GPM6A: variants seen among roughly 807,000 people sequenced by gnomAD.
GPM6A encodes glycoprotein M6A.
Under a neutral mutation model 32.1 loss-of-function variants are expected in GPM6A, and 7 were observed. The ratio of observed to expected loss-of-function variants is 0.22; its 90% CI spans 0.12 to 0.41. The LOEUF is 0.41. GPM6A is among the 10% of genes least tolerant of loss of function. The probability of loss-of-function intolerance (pLI) is 1.00; values close to 1 mark genes in which losing one functional copy is unlikely to be tolerated. For synonymous variants in GPM6A, 130 were observed against 123.4 expected (o/e 1.05, Z -0.35); for missense variants, 235 against 347.2 (o/e 0.68, Z 2.57).
At chr4:175,738,477 C>A (rs892080178) in intron 1 of GPM6A, among the ~76,000 whole-genome samples, 1 of 151,886 alleles carries the variant, frequency 6.6e-6, no homozygotes, top group African/African-American at 2.4e-5. Flanking sequence ...AAAACCATCC[C>A]AAGCAAGCTA....
At chr4:175,795,120 AG>A (rs1264988472) in intron 1 of GPM6A, among the ~76,000 whole-genome samples, 2 of 152,230 alleles carry the variant, frequency 1.3e-5, no homozygotes, top group Non-Finnish European at 2.9e-5. Context: ...TTAAATATAG[AG>A]GAAAGTGTGA....
At chr4:175,828,548 C>G (rs1482097438) in intron 1 of GPM6A, among the ~76,000 whole-genome samples, 2 of 152,120 alleles carry the variant, frequency 1.3e-5, no homozygotes, top group Non-Finnish European at 2.9e-5. Flanking sequence ...TAAGAGTATT[C>G]ATATTACAAA....
intron 2 of GPM6A, among the ~76,000 whole-genome samples, chr4:175,679,952 G>T (rs2111003447): frequency 6.6e-6 from 1 of 152,218 alleles, no homozygotes; most frequent in Non-Finnish European, 1.5e-5. Context: ...GCATCTCTTT[G>T]AGAAACTCTC....
chr4:175,902,769 C>T (rs1738008121), intron 1 of GPM6A, among the ~76,000 whole-genome samples: 1 of 151,996 alleles, frequency 6.6e-6, no homozygotes. Flanking sequence ...AGAGAGAGCT[C>T]TTCTCTTTCT....
intron 1 of GPM6A, among the ~76,000 whole-genome samples, chr4:175,883,360 T>C (rs367656273): frequency 6.6e-6 from 1 of 152,150 alleles, no homozygotes; most frequent in African/African-American, 2.4e-5. Flanking sequence ...ATTTTAATAA[T>C]ATACTTTAAC....
chr4:175,991,654 T>C (rs554794858), intron 1 of GPM6A, among the ~76,000 whole-genome samples: 1 of 152,256 alleles, frequency 6.6e-6, no homozygotes, highest in Admixed American at 6.5e-5. Context: ...CACAATTCCA[T>C]TTCAGCACTT....
At chr4:175,697,112 A>T (rs1744623011) in intron 2 of GPM6A, among the ~76,000 whole-genome samples, 1 of 152,182 alleles carries the variant, frequency 6.6e-6, no homozygotes, top group African/African-American at 2.4e-5. Context: ...ACCCAAATAC[A>T]GTCTTTATCT....
At chr4:175,824,317 C>A (rs1255257549) in intron 1 of GPM6A, among the ~76,000 whole-genome samples, 43 of 152,172 alleles carry the variant, frequency 2.8e-4, no homozygotes, top group Admixed American at 2.8e-3. Flanking sequence ...GTGCGGCAGA[C>A]ACACACCCCA....
At chr4:175,976,277 C>G in intron 1 of GPM6A, among the ~76,000 whole-genome samples, 1 of 151,202 alleles carries the variant, frequency 6.6e-6, no homozygotes. Flanking sequence ...ATTCTCCTGT[C>G]TCAGCCTCCC....
In GPM6A at chr4:175,779,575, A is replaced by G. The variant is rs551605309; in HGVS notation, c.37+32616T>C. 3.3e-5 allele frequency among the ~76,000 whole-genome samples: 5 copies of G among 152,312 alleles called. No homozygotes were observed. The South Asian group carries it at 1.0e-3, about 32-fold the overall frequency. On this transcript the variant is annotated intron_variant, in intron 1 of 6. Coordinates refer to ENST00000393658, the MANE Select transcript of GPM6A (RefSeq NM_201591.3). The stretch of plus-strand genomic sequence containing the variant: ...AGCTTTTCAGGTCTCATGGCTCTCA[A>G]GAATATGTTCTACTATCACCAAGCA...
At chr4:175,829,809 G>A (rs1735554644) in intron 1 of GPM6A, among the ~76,000 whole-genome samples, 1 of 150,452 alleles carries the variant, frequency 6.6e-6, no homozygotes, top group South Asian at 2.1e-4. Context: ...AAACTAAATG[G>A]AGGACATGAC....
At chr4:175,743,433 C>T (rs928438209) in intron 1 of GPM6A, among the ~76,000 whole-genome samples, 1 of 151,484 alleles carries the variant, frequency 6.6e-6, no homozygotes, top group Non-Finnish European at 1.5e-5. Flanking sequence ...AGAGGAAATA[C>T]AAAAGATACA....
intron 1 of GPM6A, among the ~76,000 whole-genome samples, chr4:175,761,543 T>G (rs994828462): frequency 6.6e-6 from 1 of 152,164 alleles, no homozygotes; most frequent in African/African-American, 2.4e-5. Context: ...GACCCACAAT[T>G]GTATTTAATC....
At chr4:175,755,730 T>G (rs1732498968) in intron 1 of GPM6A, among the ~76,000 whole-genome samples, 1 of 152,188 alleles carries the variant, frequency 6.6e-6, no homozygotes, top group Non-Finnish European at 1.5e-5. Context: ...ACACAACCTG[T>G]GTTGTAGGTA....
chr4:175,827,356 C>G (rs1735470933), intron 1 of GPM6A, among the ~76,000 whole-genome samples: 1 of 152,122 alleles, frequency 6.6e-6, no homozygotes, highest in African/African-American at 2.4e-5. Flanking sequence ...CATTTATGTC[C>G]TCACTTTAAT....
chr4:175,711,443 TATATATATATATATAC>T (rs1449039764), intron 1 of GPM6A, among the ~76,000 whole-genome samples: 16,252 of 94,184 alleles, frequency 0.17, 2,496 homozygotes, highest in Admixed American at 0.22. Flanking sequence ...TATATATATA[TATATATATATATATAC>T]ACACACATAC....
At chr4:175,655,988 T>C (rs938712243) in intron 3 of GPM6A, among the ~76,000 whole-genome samples, 2 of 152,138 alleles carry the variant, frequency 1.3e-5, no homozygotes, top group African/African-American at 4.8e-5. Context: ...AAACTATTTC[T>C]GTCCCATTTG....
chr4:175,734,291 C>T (rs1731561853), intron 1 of GPM6A, among the ~76,000 whole-genome samples: 1 of 151,992 alleles, frequency 6.6e-6, no homozygotes, highest in Non-Finnish European at 1.5e-5. Flanking sequence ...CTAATTTGCA[C>T]CCAAAAGACC....
At chr4:175,673,575 A>T in intron 3 of GPM6A, 105 bp downstream of exon 3, 1 of 702,936 alleles carries the variant, frequency 1.4e-6, no homozygotes, top group Non-Finnish European at 2.3e-6. Context: ...AGGAAACGTT[A>T]CTGTGTGAAA....
Sources: gnomAD v4.1 joint callset for allele counts (sites outside exome capture counted in the v4.1 genomes callset) on GRCh38, gnomAD v4.1.1 for gene constraint, MANE v1.5 for transcripts, NCBI Gene and HGNC (gene_info 2026-07-23, HGNC 2026-07-21) for gene names.